ATG14: variants seen among roughly 807,000 people sequenced by gnomAD.
ATG14 encodes the protein autophagy related 14, also known as beclin 1-associated autophagy-related key regulator.
In ATG14, 35 loss-of-function variants were observed where a neutral mutation model predicts 60.4. The observed-to-expected ratio is 0.58, with a 90% CI of 0.44 to 0.77. ATG14 has a LOEUF of 0.77. Among genes scored for constraint, ATG14 ranks in the 30% least tolerant of loss-of-function variants. The pLI is 0.00. For missense variants in ATG14, 647 were observed against 626.3 expected (o/e 1.03, Z -0.35); for synonymous variants, 234 against 228.8 (o/e 1.02, Z -0.21).
In ATG14 at chr14:55,386,036, CG is replaced by C; in HGVS notation, c.469del (p.Arg157GlyfsTer20). 1 of 1,614,030 alleles carries C rather than the reference CG, an allele frequency of 6.2e-7. No homozygotes were observed. The highest frequency in any genetic ancestry group is 8.5e-7 in the Non-Finnish European group (1 of 1,179,996). ...AATCTTCTCCTTTTTCTCTTGGTGC[CG>C]TTGTGCTCGACTGTAAAGCTTCTGA... ...KNQKLYSRAQRHQEKKEKIQR... is the reference protein window; with the variant it reads ...KNQKLYSRAQXHQEKKEKIQR... On this transcript the variant is annotated frameshift_variant, in exon 5 of 10. Transcript: ENST00000247178. LOFTEE classifies it high-confidence loss of function.
Position 55,400,244 on chromosome 14 carries a change from A to G in ATG14, c.222-2810T>C, listed in dbSNP as rs144100658. Among the ~76,000 whole-genome samples, 7 of 152,314 alleles carry G rather than the reference A, an allele frequency of 4.6e-5. No individual in the cohort carries two copies. The East Asian group carries it at 5.8e-4, about 13-fold the overall frequency. ...CATTCCACAAGTCTGTGCTTTCTCA[A>G]TACAGCTTCCAAGAGGTGAAAAATA... On this transcript the variant is annotated intron_variant, in intron 1 of 9. Coordinates refer to ENST00000247178, the MANE Select transcript of ATG14 (RefSeq NM_014924.5).
rs554700707 is a variant in ATG14 at position 55,381,355 on chromosome 14, A to G, written c.877+607T>C. Among the ~76,000 whole-genome samples, 15 of 152,336 alleles carry G rather than the reference A, an allele frequency of 9.8e-5. No individual in the cohort carries two copies. In the South Asian group the frequency reaches 2.5e-3, roughly 25 times the overall value. On this transcript the variant is annotated intron_variant, in intron 6 of 9. Transcript: ENST00000247178. ...TTCCCATTGGGGCCTTTCAGTCTCC[A>G]TTTAGGACTACTAAAACACATTACA...
chr14:55,397,303 C>T, intron 2 of ATG14, 69 bp downstream of exon 2: 1 of 1,300,332 alleles, frequency 7.7e-7, no homozygotes, highest in Non-Finnish European at 1.1e-6. Flanking sequence ...CTGCATACCA[C>T]AGCACTGAAT....
chr14:55,376,240 TAAAGTGGTTGGC>T (rs1566577803), intron 9 of ATG14, among the ~76,000 whole-genome samples: 7 of 152,256 alleles, frequency 4.6e-5, no homozygotes, highest in Admixed American at 1.3e-4. Context: ...CCAAGGCAAG[TAAAGTGGTTGGC>T]CTTGTGTCAA....
intron 7 of ATG14, among the ~76,000 whole-genome samples, chr14:55,379,201 A>T (rs1164108484): frequency 2.0e-5 from 3 of 152,212 alleles, no homozygotes; most frequent in African/African-American, 7.2e-5. Flanking sequence ...TTACATAACT[A>T]AAAATTTTAA....
At chr14:55,396,817 G>A (rs1885321395) in intron 2 of ATG14, among the ~76,000 whole-genome samples, 1 of 152,168 alleles carries the variant, frequency 6.6e-6, no homozygotes, top group South Asian at 2.1e-4. Flanking sequence ...CATCAGGGGT[G>A]CCTGTTAATA....
chr14:55,369,492 A>AAAAC lies in ATG14; in HGVS notation c.*123_*126dup. ...TGTTTGTCTCCCTGCTTAAAAAGAC[A>AAAAC]AAACAAAACAACACTTTAACCTCTT... On this transcript the variant is annotated 3_prime_UTR_variant, in exon 10 of 10. Coordinates refer to ENST00000247178, the MANE Select transcript of ATG14 (RefSeq NM_014924.5). 1.0e-6 allele frequency: 1 copy of AAAAC among 975,544 alleles called. No individual in the cohort carries two copies. Among genetic ancestry groups the AAAAC allele is most frequent in the Non-Finnish European group, 1.4e-6 (1 of 697,584 alleles). 60.4% of individuals were successfully genotyped at this position (975,544 alleles called of 1,614,324 possible).
At chr14:55,390,195 T>G (rs551771452) in intron 4 of ATG14, among the ~76,000 whole-genome samples, 124 of 150,160 alleles carry the variant, frequency 8.3e-4, no homozygotes, top group Middle Eastern at 3.6e-3. Flanking sequence ...CTCAGCCTCC[T>G]GAGTAGCTGG....
At chr14:55,374,217 T>G (rs1446992804) in intron 9 of ATG14, among the ~76,000 whole-genome samples, 1 of 73,808 alleles carries the variant, frequency 1.4e-5, no homozygotes, top group African/African-American at 4.0e-5. Context: ...TATTTTAATG[T>G]TTTTTTTTAA....
At chr14:55,393,107 C>A (rs538137341) in intron 3 of ATG14, among the ~76,000 whole-genome samples, 56 of 152,116 alleles carry the variant, frequency 3.7e-4, no homozygotes, top group Non-Finnish European at 5.4e-4. Flanking sequence ...TATGACTGGG[C>A]GCGGTGGCTC....
chr14:55,396,572 A>G (rs372111450), intron 2 of ATG14, among the ~76,000 whole-genome samples: 6 of 152,200 alleles, frequency 3.9e-5, no homozygotes, highest in African/African-American at 1.2e-4. Context: ...AACTGTTTTC[A>G]TCGGGGGTGT....
intron 1 of ATG14, among the ~76,000 whole-genome samples, chr14:55,405,199 C>T: frequency 6.6e-6 from 1 of 152,060 alleles, no homozygotes; most frequent in East Asian, 1.9e-4. Flanking sequence ...ATTCTCAAGA[C>T]AATAGATTTT....
chr14:55,381,435 A>G (rs1218495958), intron 6 of ATG14, among the ~76,000 whole-genome samples: 1 of 152,232 alleles, frequency 6.6e-6, no homozygotes, highest in Non-Finnish European at 1.5e-5. Context: ...TCTTTAAATA[A>G]CGTCCTCTTA....
In ATG14 at chr14:55,387,214, G is replaced by A. The variant is rs373781407; in HGVS notation, c.410-1118C>T. ...TACAGAGCAAACCCCTCAGCCTCAA[G>A]GCCTCCTCCAAATTGGTACATATCC... On this transcript the variant is annotated intron_variant, in intron 4 of 9. Coordinates refer to ENST00000247178, the MANE Select transcript of ATG14 (RefSeq NM_014924.5). Among the ~76,000 whole-genome samples, 18 of 152,192 alleles carry A rather than the reference G, an allele frequency of 1.2e-4. 1 individual carries two copies. The highest frequency in any genetic ancestry group is 6.2e-4 in the South Asian group (3 of 4,820).
Position 55,369,913 on chromosome 14 carries a change from A to G in ATG14, c.1185T>C (p.Phe395=), listed in dbSNP as rs1283446304. Residue 395 remains phenylalanine (F), a synonymous_variant, in exon 10 of 10, where the codon TTT becomes TTC. Transcript: ENST00000247178. ...SSEHLGRSGP[F]EVRADLEESM... ...ACTCCTCAAGGTCTGCTCGTACTTC[A>G]AAGGGCCCTGACCTGTGTGCAGACA... 1.2e-6 allele frequency: 2 copies of G among 1,610,754 alleles called. No individual in the cohort carries two copies. Among genetic ancestry groups the G allele is most frequent in the South Asian group, 1.1e-5 (1 of 90,720 alleles).
At position 55,406,588 on chromosome 14, in the gene ATG14, T is replaced by C. The variant is rs143288256; in HGVS notation, c.221+5014A>G. Reference sequence around the variant, plus strand: ...TTTCTCCTCTGTATTGCCAGAAAATTTTGTGCACATAACAGTGCCCAATGA... The same window carrying C: ...TTTCTCCTCTGTATTGCCAGAAAATCTTGTGCACATAACAGTGCCCAATGA... On this transcript the variant is annotated intron_variant, in intron 1 of 9. Coordinates refer to ENST00000247178, the MANE Select transcript of ATG14 (RefSeq NM_014924.5). Among the ~76,000 whole-genome samples the C allele has an allele frequency of 3.2e-3, 490 of 152,310 alleles. 1 individual carries two copies. Among genetic ancestry groups the C allele is most frequent in the African/African-American group, 0.011 (447 of 41,574 alleles).
intron 1 of ATG14, among the ~76,000 whole-genome samples, chr14:55,403,668 C>T (rs1021853177): frequency 1.3e-5 from 2 of 151,586 alleles, no homozygotes; most frequent in South Asian, 2.1e-4. Context: ...TGTTAAATGA[C>T]AAAACAACAA....
chr14:55,398,092 C>T (rs767753773), intron 1 of ATG14, among the ~76,000 whole-genome samples: 2 of 151,726 alleles, frequency 1.3e-5, no homozygotes, highest in South Asian at 2.1e-4. Flanking sequence ...GGACTACAGG[C>T]GCCTGCCACC....
chr14:55,401,674 C>T (rs1472535828), intron 1 of ATG14, among the ~76,000 whole-genome samples: 1 of 152,056 alleles, frequency 6.6e-6, no homozygotes, highest in African/African-American at 2.4e-5. Context: ...AAAAAAGGTA[C>T]TCCCTTAAAC....
Sources: gnomAD v4.1 joint callset for allele counts (sites outside exome capture counted in the v4.1 genomes callset) on GRCh38, gnomAD v4.1.1 for gene constraint, MANE v1.5 for transcripts, NCBI Gene and HGNC (gene_info 2026-07-23, HGNC 2026-07-21) for gene names.